Variants in MYO1E observed in about 807,000 individuals in gnomAD.
The protein encoded by MYO1E is unconventional myosin-Ie.
MYO1E carries 68 observed loss-of-function variants against 151.1 expected under a neutral mutation model. The observed-to-expected ratio is 0.45, with a 90% confidence interval of 0.37 to 0.55. MYO1E has a LOEUF of 0.55. Ranked by LOEUF, MYO1E falls within the 20% of genes least tolerant of loss-of-function variation. The probability of loss-of-function intolerance (pLI) is 0.00; values close to 1 mark genes in which losing one functional copy is unlikely to be tolerated. For missense variants in MYO1E, 1,363 were observed against 1,389.3 expected, an observed-to-expected ratio of 0.98 and a Z score of 0.30; for synonymous variants, 601 against 501.7, an observed-to-expected ratio of 1.20 and a Z score of -2.64.
intron 26 of MYO1E, among the ~76,000 whole-genome samples, chr15:59,140,805 C>A (rs1337075913): frequency 6.6e-6 from 1 of 152,166 alleles, no homozygotes; most frequent in Non-Finnish European, 1.5e-5. Context: ...CTGGGCGCCC[C>A]TGAGACTCGG....
chr15:59,264,274 A>C (rs2080240637), intron 2 of MYO1E, among the ~76,000 whole-genome samples: 2 of 152,182 alleles, frequency 1.3e-5, no homozygotes, highest in Admixed American at 1.3e-4. Flanking sequence ...GCACGGAGAA[A>C]TTTTTAAAAG....
chr15:59,365,299 G>A (rs149832046), intron 1 of MYO1E, among the ~76,000 whole-genome samples: 237 of 152,200 alleles, frequency 1.6e-3, no homozygotes, highest in African/African-American at 5.5e-3. Flanking sequence ...GATTACGGGC[G>A]TTAGCCACCG....
At chr15:59,177,908 C>T (rs1482447640) in intron 19 of MYO1E, among the ~76,000 whole-genome samples, 3 of 152,252 alleles carry the variant, frequency 2.0e-5, no homozygotes, top group African/African-American at 7.2e-5. Flanking sequence ...CCACCCGGCA[C>T]TCTGCTGCAC....
chr15:59,161,255 C>T, intron 23 of MYO1E, 25 bp from the exon 24 acceptor site: 3 of 1,612,204 alleles, frequency 1.9e-6, no homozygotes, highest in South Asian at 1.1e-5. Flanking sequence ...GTGGGGTTAA[C>T]AGGTCGAAGG....
intron 1 of MYO1E, among the ~76,000 whole-genome samples, chr15:59,291,919 T>C (rs2080422026): frequency 6.6e-6 from 1 of 152,034 alleles, no homozygotes; most frequent in Admixed American, 6.6e-5. Context: ...ATACCATAAA[T>C]GCTCTAAAGG....
chr15:59,266,433 G>A (rs2140377544), intron 2 of MYO1E, among the ~76,000 whole-genome samples: 1 of 152,170 alleles, frequency 6.6e-6, no homozygotes, highest in South Asian at 2.1e-4. Context: ...TTAACTGATG[G>A]GTTCCCAAAT....
chr15:59,323,111 G>A (rs2080638231), intron 1 of MYO1E, among the ~76,000 whole-genome samples: 1 of 142,904 alleles, frequency 7.0e-6, no homozygotes, highest in African/African-American at 2.6e-5. Context: ...AGAGCTTGCA[G>A]TGAGCCGAGA....
intron 1 of MYO1E, among the ~76,000 whole-genome samples, chr15:59,313,995 T>C (rs2080569518): frequency 6.6e-6 from 1 of 152,254 alleles, no homozygotes; most frequent in Non-Finnish European, 1.5e-5. Flanking sequence ...CAGCTAAACC[T>C]GCTCTGCAAA....
intron 3 of MYO1E, 99 bp downstream of exon 3, chr15:59,261,321 T>C (rs2080223390): frequency 4.2e-6 from 3 of 711,222 alleles, no homozygotes; most frequent in Non-Finnish European, 2.4e-6. Flanking sequence ...AAAAAATTCA[T>C]AATAGAAAAG....
intron 5 of MYO1E, 41 bp from the exon 6 acceptor site, chr15:59,231,832 A>G: frequency 6.3e-7 from 1 of 1,598,980 alleles, no homozygotes; most frequent in Non-Finnish European, 8.6e-7. Flanking sequence ...AGGTGTGAAC[A>G]CCTACCACAC....
At chr15:59,153,857 A>G in intron 25 of MYO1E, 66 bp from the exon 26 acceptor site, 2 of 1,469,392 alleles carry the variant, frequency 1.4e-6, no homozygotes, top group Non-Finnish European at 1.9e-6. Context: ...AAGTCTCTCC[A>G]CATTTCTTCC....
chr15:59,138,889 G>T (rs2079390238), intron 26 of MYO1E, among the ~76,000 whole-genome samples: 1 of 152,078 alleles, frequency 6.6e-6, no homozygotes, highest in African/African-American at 2.4e-5. Flanking sequence ...ACTGTCAACT[G>T]TATGAAAGGA....
intron 1 of MYO1E, among the ~76,000 whole-genome samples, chr15:59,277,564 A>AAAAAAAAAAAAAAAAAAAAAAC (rs1555416379): frequency 2.1e-5 from 3 of 139,786 alleles, no homozygotes; most frequent in Admixed American, 7.1e-5. Flanking sequence ...AAAAAAAAAA[A>AAAAAAAAAAAAAAAAAAAAAAC]AAAAAAAAAC....
At chr15:59,355,307 T>G (rs2140437383) in intron 1 of MYO1E, among the ~76,000 whole-genome samples, 1 of 152,304 alleles carries the variant, frequency 6.6e-6, no homozygotes, top group South Asian at 2.1e-4. Context: ...CTGTCTCAAC[T>G]CCTCCATTCC....
At chr15:59,183,983 A>G (rs570324270) in intron 18 of MYO1E, among the ~76,000 whole-genome samples, 1 of 152,226 alleles carries the variant, frequency 6.6e-6, no homozygotes, top group East Asian at 1.9e-4. Context: ...ATGATCTCCA[A>G]TTCCATCGTG....
In MYO1E at chr15:59,236,654, T is replaced by G; in HGVS notation, c.351A>C (p.Gly117=). 1 of 1,613,932 alleles carries G rather than the reference T, an allele frequency of 6.2e-7. No homozygotes were observed. Among genetic ancestry groups the G allele is most frequent in the African/African-American group, 1.3e-5 (1 of 75,010 alleles). Residue 117 remains glycine, a synonymous_variant, in exon 5 of 28, where the codon GGA becomes GGC. Coordinates refer to ENST00000288235, the MANE Select transcript of MYO1E (RefSeq NM_004998.4). ...CVIISGESGA[G]KTVAAKYIMS... is the part of the protein sequence containing the mutation. ...TGATATATTTGGCAGCCACTGTTTTTCCAGCACCACTTTCACCACTAAAGA... is the reference window on the plus strand; with the variant it reads ...TGATATATTTGGCAGCCACTGTTTTGCCAGCACCACTTTCACCACTAAAGA...
chr15:59,262,856 A>C (rs1363397636), intron 2 of MYO1E, among the ~76,000 whole-genome samples: 9 of 152,210 alleles, frequency 5.9e-5, no homozygotes, highest in Admixed American at 3.3e-4. Flanking sequence ...CACATGAAAA[A>C]TATTTCCAAT....
chr15:59,206,111 C>G (rs1242196208), intron 14 of MYO1E, among the ~76,000 whole-genome samples: 1 of 152,044 alleles, frequency 6.6e-6, no homozygotes, highest in Non-Finnish European at 1.5e-5. Context: ...CAGCCCCACA[C>G]AGCCTGGCAT....
chr15:59,207,676 A>C (rs778702275), intron 14 of MYO1E: 1 of 1,614,180 alleles, frequency 6.2e-7, no homozygotes, highest in Non-Finnish European at 8.5e-7. Flanking sequence ...TGGAGACTCA[A>C]GTGTTCCTGT....
Sources: gnomAD v4.1 joint callset for allele counts (sites outside exome capture counted in the v4.1 genomes callset) on GRCh38, gnomAD v4.1.1 for gene constraint, MANE v1.5 for transcripts, NCBI Gene and HGNC (gene_info 2026-07-23, HGNC 2026-07-21) for gene names.